SASH1: variants seen among roughly 807,000 people sequenced by gnomAD.
SASH1 encodes the protein SAM and SH3 domain containing 1.
SASH1 carries 44 observed loss-of-function variants against 125.2 expected under a neutral mutation model. The observed-to-expected ratio is 0.35, with a 90% CI of 0.28 to 0.45. The LOEUF is 0.45. Among genes scored for constraint, SASH1 ranks in the 20% least tolerant of loss-of-function variants. The pLI, the probability that SASH1 is intolerant of heterozygous loss-of-function variation, is 1.00. For synonymous variants in SASH1, 639 were observed against 649.1 expected, an observed-to-expected ratio of 0.98 and a Z score of 0.24; for missense variants, 1,426 against 1,614.5, an observed-to-expected ratio of 0.88 and a Z score of 2.00.
At chr6:148,518,333 C>T (rs1780562545) in intron 9 of SASH1, among the ~76,000 whole-genome samples, 1 of 152,164 alleles carries the variant, frequency 6.6e-6, no homozygotes, top group Admixed American at 6.5e-5. Flanking sequence ...GTCTGCTGGG[C>T]ATGAATGTAA....
Position 148,543,673 on chromosome 6 carries a change from C to G in SASH1, c.2210-7C>G, listed in dbSNP as rs762372620. ...ATGTGATTGTAAAATATTCCCTTGT[C>G]TCACAGGCAAGACTCGGAAAGCTAG... On this transcript the variant is annotated splice_region_variant and splice_polypyrimidine_tract_variant and intron_variant, in intron 17 of 19. Transcript: ENST00000367467. The G allele has an allele frequency of 3.9e-6, 6 of 1,520,734 alleles. No homozygotes were observed. The highest frequency in any genetic ancestry group is 1.4e-5 in the African/African-American group (1 of 71,864). The allele number at this position is 1,520,734 out of a possible 1,614,324, so 94.2% of individuals were successfully genotyped here. A position where few individuals can be genotyped will look rare whatever the true frequency, so the allele number is the denominator to read the frequency against.
At chr6:148,208,939 G>A in the SASH1 span, among the ~76,000 whole-genome samples, 4,771 of 152,192 alleles carry the variant, frequency 0.031, 118 homozygotes, top group South Asian at 0.065. Context: ...ATAAAATACC[G>A]TTTTATTTGC....
At chr6:148,537,305 T>C (rs1341837832) in intron 16 of SASH1, among the ~76,000 whole-genome samples, 3 of 152,196 alleles carry the variant, frequency 2.0e-5, no homozygotes, top group Non-Finnish European at 4.4e-5. Context: ...AGCCATCATA[T>C]AGGGTTCCAT....
chr6:148,356,075 T>TG (rs1465961226), intron 1 of SASH1, among the ~76,000 whole-genome samples: 1 of 151,170 alleles, frequency 6.6e-6, no homozygotes, highest in Non-Finnish European at 1.5e-5. Flanking sequence ...ATTCTGTTTT[T>TG]TTTTTTTTTT....
intron 9 of SASH1, among the ~76,000 whole-genome samples, chr6:148,514,938 C>G (rs751135788): frequency 4.6e-5 from 7 of 152,184 alleles, no homozygotes; most frequent in Non-Finnish European, 1.0e-4. Context: ...TGTAGAGAGT[C>G]TCAAGTCTCA....
At chr6:148,527,977 C>CT (rs5880790) in intron 12 of SASH1, among the ~76,000 whole-genome samples, 11 of 94,358 alleles carry the variant, frequency 1.2e-4, no homozygotes, top group East Asian at 2.8e-4. Flanking sequence ...AAACCTAAAG[C>CT]TTTTTTTTTT....
At position 148,450,402 on chromosome 6, in the gene SASH1, T is replaced by G. The variant is rs137936416; in HGVS notation, c.386+9995T>G. ...ACCCCAATTCCAGCCCAACTGGATATTACGATTACCCAAATGCCCCCTTGG... is the reference window on the plus strand; with the variant it reads ...ACCCCAATTCCAGCCCAACTGGATAGTACGATTACCCAAATGCCCCCTTGG... On this transcript the variant is annotated intron_variant, in intron 4 of 19. Transcript: ENST00000367467. Among the ~76,000 whole-genome samples the G allele has an allele frequency of 3.4e-3, 516 of 152,278 alleles. 2 individuals carry two copies. The highest frequency in any genetic ancestry group is 0.012 in the African/African-American group (501 of 41,562).
chr6:148,333,947 C>G (rs1266248092), intron 1 of SASH1, among the ~76,000 whole-genome samples: 1 of 151,994 alleles, frequency 6.6e-6, no homozygotes, highest in East Asian at 2.0e-4. Flanking sequence ...CTCAACCTCT[C>G]AAGTAGCTGG....
intron 8 of SASH1, among the ~76,000 whole-genome samples, chr6:148,490,235 G>A (rs1779052449): frequency 6.6e-6 from 1 of 151,288 alleles, no homozygotes; most frequent in South Asian, 2.1e-4. Context: ...TTTGATAAGA[G>A]TATTGCTCTG....
chr6:148,386,990 G>A (rs1319841420), intron 1 of SASH1, among the ~76,000 whole-genome samples: 2 of 151,894 alleles, frequency 1.3e-5, no homozygotes, highest in Non-Finnish European at 2.9e-5. Context: ...AGCTCCCTCT[G>A]TCCTGGGAAC....
At chr6:148,304,478 G>T (rs1443019653) in intron 1 of SASH1, among the ~76,000 whole-genome samples, 1 of 149,858 alleles carries the variant, frequency 6.7e-6, no homozygotes, top group Non-Finnish European at 1.5e-5. Flanking sequence ...GGGCATGGTG[G>T]TGGGCGCCTA....
At chr6:148,491,462 G>A (rs1226345299) in intron 8 of SASH1, among the ~76,000 whole-genome samples, 1 of 152,126 alleles carries the variant, frequency 6.6e-6, no homozygotes, top group Non-Finnish European at 1.5e-5. Context: ...TAGAGATGGG[G>A]TTTCACCATG....
chr6:148,218,575 C>T, the SASH1 span, among the ~76,000 whole-genome samples: 1 of 152,172 alleles, frequency 6.6e-6, no homozygotes, highest in Non-Finnish European at 1.5e-5. Context: ...AAAAGGGTCC[C>T]TGGCCTTTGT....
intron 7 of SASH1, among the ~76,000 whole-genome samples, chr6:148,477,732 C>G (rs1778430643): frequency 8.0e-6 from 1 of 124,254 alleles, no homozygotes; most frequent in African/African-American, 3.2e-5. Context: ...GAGTCTTGCT[C>G]TGTCGCCCAG....
chr6:148,524,122 T>TATATA (rs1491367203), intron 10 of SASH1, among the ~76,000 whole-genome samples: 1 of 92,994 alleles, frequency 1.1e-5, no homozygotes, highest in African/African-American at 4.2e-5. Flanking sequence ...TATATATATA[T>TATATA]TTTTTTTAAT....
chr6:148,348,152 G>A (rs1031267924), intron 1 of SASH1, among the ~76,000 whole-genome samples: 4 of 151,998 alleles, frequency 2.6e-5, no homozygotes, highest in Non-Finnish European at 4.4e-5. Flanking sequence ...GATTACAGGC[G>A]TCTGCCACCA....
the SASH1 span, among the ~76,000 whole-genome samples, chr6:148,212,760 C>T: frequency 6.6e-6 from 1 of 152,146 alleles, no homozygotes; most frequent in African/African-American, 2.4e-5. Context: ...CATTTAATCC[C>T]CACAAGAATC....
At chr6:148,280,801 T>G (rs1779318788) in intron 1 of SASH1, among the ~76,000 whole-genome samples, 1 of 151,942 alleles carries the variant, frequency 6.6e-6, no homozygotes, top group South Asian at 2.1e-4. Context: ...GCGTAAGACC[T>G]TGTCTCACAA....
the SASH1 span, among the ~76,000 whole-genome samples, chr6:148,206,812 C>CACAG: frequency 2.9e-4 from 44 of 151,550 alleles, 1 homozygote; most frequent in South Asian, 8.6e-3. Flanking sequence ...CACACACACA[C>CACAG]ACACACACAC....
Sources: gnomAD v4.1 joint callset for allele counts (sites outside exome capture counted in the v4.1 genomes callset) on GRCh38, gnomAD v4.1.1 for gene constraint, MANE v1.5 for transcripts, NCBI Gene and HGNC (gene_info 2026-07-23, HGNC 2026-07-21) for gene names.